Variants in PXDNL observed in about 807,000 individuals in gnomAD.
The protein encoded by PXDNL is peroxidasin like, also known as probable oxidoreductase PXDNL.
Under a neutral mutation model 150.8 loss-of-function variants are expected in PXDNL, and 145 were observed. That is an observed-to-expected ratio of 0.96 (90% CI 0.84 to 1.10). The LOEUF is 1.10. Ranked by LOEUF, PXDNL falls within the 50% of genes least tolerant of loss-of-function variation. The pLI is 0.00. For missense variants in PXDNL, 2,087 were observed against 1,873.9 expected (o/e 1.11, Z -2.10); for synonymous variants, 757 against 725.7 (o/e 1.04, Z -0.69).
intron 21 of PXDNL, among the ~76,000 whole-genome samples, chr8:51,338,202 A>G (rs1249466806): frequency 1.3e-5 from 2 of 149,956 alleles, no homozygotes; most frequent in Non-Finnish European, 3.0e-5. Flanking sequence ...AAAAAAAAAA[A>G]GGGAAAAAAG....
chr8:51,598,498 TTTC>T (rs1318507235), intron 2 of PXDNL, among the ~76,000 whole-genome samples: 1 of 152,178 alleles, frequency 6.6e-6, no homozygotes, highest in African/African-American at 2.4e-5. Flanking sequence ...TCATATGGTT[TTTC>T]TTTTTTAATT....
rs535712521 is a variant in PXDNL at position 51,801,407 on chromosome 8, T to G, written c.164+7774A>C. 8.9e-4 allele frequency among the ~76,000 whole-genome samples: 136 copies of G among 152,056 alleles called. 2 individuals are homozygous for G. The South Asian group carries it at 0.02, about 23-fold the overall frequency. ...TCTAATTTTGCCCTTTGCCTTGTGA[T>G]CTTTATTGCCCTTTAAAGCTTGTGA... On this transcript the variant is annotated intron_variant, in intron 1 of 22. Coordinates refer to ENST00000356297, the MANE Select transcript of PXDNL (RefSeq NM_144651.5).
At chr8:51,765,993 G>C (rs1023878021) in intron 1 of PXDNL, among the ~76,000 whole-genome samples, 1 of 151,850 alleles carries the variant, frequency 6.6e-6, no homozygotes, top group African/African-American at 2.4e-5. Flanking sequence ...ACAGGCGCCC[G>C]CCACCATGCC....
chr8:51,400,173 T>A (rs1036172436), intron 17 of PXDNL, among the ~76,000 whole-genome samples: 1 of 152,198 alleles, frequency 6.6e-6, no homozygotes, highest in Non-Finnish European at 1.5e-5. Flanking sequence ...TAATGAGATA[T>A]CATGGGAATG....
intron 14 of PXDNL, among the ~76,000 whole-genome samples, chr8:51,417,655 T>A (rs962445017): frequency 6.6e-6 from 1 of 152,212 alleles, no homozygotes; most frequent in African/African-American, 2.4e-5. Flanking sequence ...GCAGATAATG[T>A]AACTATCGTA....
chr8:51,598,845 C>T lies in PXDNL; in HGVS notation c.237-6147G>A, dbSNP rs562280815. Among the ~76,000 whole-genome samples the T allele has an allele frequency of 3.9e-5, 6 of 152,102 alleles. 1 individual carries two copies. In the South Asian group the frequency reaches 8.3e-4, roughly 21 times the overall value. ...TCTTTTCTGTACATCTGGTAGCATT[C>T]GGCTGTGAATCCATTTGGTACAAGG... On this transcript the variant is annotated intron_variant, in intron 2 of 22. Coordinates refer to ENST00000356297, the MANE Select transcript of PXDNL (RefSeq NM_144651.5).
intron 12 of PXDNL, among the ~76,000 whole-genome samples, chr8:51,442,241 T>C (rs1809568057): frequency 6.6e-6 from 1 of 151,314 alleles, no homozygotes; most frequent in East Asian, 1.9e-4. Flanking sequence ...TGTTTTCTAA[T>C]ATACTGTCTG....
chr8:51,478,912 G>C (rs1810540311), intron 6 of PXDNL, among the ~76,000 whole-genome samples: 1 of 152,184 alleles, frequency 6.6e-6, no homozygotes, highest in Non-Finnish European at 1.5e-5. Context: ...CAAATCATCT[G>C]TATATCAGTT....
chr8:51,402,474 G>A (rs550623949), intron 17 of PXDNL, among the ~76,000 whole-genome samples: 7 of 152,022 alleles, frequency 4.6e-5, no homozygotes, highest in Admixed American at 2.6e-4. Context: ...AGCCGAGATC[G>A]CACCACTGCA....
intron 17 of PXDNL, among the ~76,000 whole-genome samples, chr8:51,400,324 G>A (rs12676784): frequency 0.024 from 3,719 of 152,236 alleles, 84 homozygotes; most frequent in South Asian, 0.084. Context: ...GGTCACATGA[G>A]TTCAGGATGG....
intron 6 of PXDNL, among the ~76,000 whole-genome samples, chr8:51,481,322 G>T (rs1428998434): frequency 6.6e-6 from 1 of 152,180 alleles, no homozygotes; most frequent in Admixed American, 6.5e-5. Flanking sequence ...CTAGAGATCT[G>T]TGGAAATTTG....
chr8:51,321,177 A>C (rs1277262400), intron 21 of PXDNL: 1 of 281,572 alleles, frequency 3.6e-6, no homozygotes, highest in East Asian at 6.1e-5. Flanking sequence ...AATTAAAATC[A>C]AATGAATGAA....
chr8:51,568,909 T>C (rs73588728), intron 3 of PXDNL, among the ~76,000 whole-genome samples: 10,777 of 151,990 alleles, frequency 0.071, 980 homozygotes, highest in African/African-American at 0.22. Context: ...TCATTCTTAA[T>C]TTCTGCTACA....
At chr8:51,377,105 T>TACACACACACAC (rs772419401) in intron 17 of PXDNL, among the ~76,000 whole-genome samples, 1,763 of 140,658 alleles carry the variant, frequency 0.013, 22 homozygotes, top group Middle Eastern at 0.033. Flanking sequence ...CTCTACCCTT[T>TACACACACACAC]ACACACACAC....
At chr8:51,339,845 T>C (rs1437593) in intron 20 of PXDNL, 92 bp from the exon 21 acceptor site, 437,911 of 1,288,844 alleles carry the variant, frequency 0.34, 82,427 homozygotes, top group African/African-American at 0.81. Flanking sequence ...TCATTTGGCA[T>C]GTACAAGGCA....
intron 4 of PXDNL, among the ~76,000 whole-genome samples, chr8:51,521,921 G>A (rs1811673027): frequency 6.6e-6 from 1 of 152,134 alleles, no homozygotes; most frequent in Non-Finnish European, 1.5e-5. Context: ...ACCCAGTGAA[G>A]TTGACTTCAA....
intron 22 of PXDNL, 91 bp downstream of exon 22, chr8:51,320,693 A>AT (rs1270613033): frequency 1.1e-6 from 1 of 910,248 alleles, no homozygotes; most frequent in Non-Finnish European, 1.8e-6. Context: ...CATAAAATAT[A>AT]TTTTTTCTCC....
intron 14 of PXDNL, among the ~76,000 whole-genome samples, 167 bp from the exon 15 acceptor site, chr8:51,413,425 G>A (rs1328514534): frequency 2.0e-5 from 3 of 152,102 alleles, no homozygotes; most frequent in Non-Finnish European, 2.9e-5. Flanking sequence ...TTGCAGAGAG[G>A]TAGGTAATTA....
In PXDNL at chr8:51,577,907, GAGAAAGAAA is replaced by G. The variant is rs1199834254; in HGVS notation, c.308+14711_308+14719del. Among the ~76,000 whole-genome samples, 672 of 122,144 alleles carry G rather than the reference GAGAAAGAAA, an allele frequency of 5.5e-3. 38 individuals carry two copies. Among genetic ancestry groups the G allele is most frequent in the African/African-American group, 0.017 (497 of 30,004 alleles). 80.1% of individuals were successfully genotyped at this position (122,144 alleles called of 152,430 possible). The stretch of plus-strand genomic sequence containing the variant: ...AAATAACATACAAATAAGAAAGAAA[GAGAAAGAAA>G]AGAAAGAAAAGAAAGAAAGAAAGAA... On this transcript the variant is annotated intron_variant, in intron 3 of 22. Coordinates refer to ENST00000356297, the MANE Select transcript of PXDNL (RefSeq NM_144651.5).
Sources: allele counts gnomAD v4.1 joint callset (sites outside exome capture counted in the v4.1 genomes callset), GRCh38; gene constraint gnomAD v4.1.1; transcripts MANE v1.5; gene names NCBI Gene and HGNC (gene_info 2026-07-23, HGNC 2026-07-21).